FAM13B: variants seen among roughly 807,000 people sequenced by gnomAD.
FAM13B encodes family with sequence similarity 13 member B.
Under a neutral mutation model 117.3 loss-of-function variants are expected in FAM13B, and 60 were observed. The observed-to-expected ratio is 0.51, with a 90% CI of 0.42 to 0.63. The LOEUF (loss-of-function observed/expected upper bound fraction) is 0.63, where lower values mean the gene tolerates loss of function less well. FAM13B is among the 30% of genes least tolerant of loss of function. The pLI is 0.00. For missense variants in FAM13B, 972 were observed against 1,091.9 expected (o/e 0.89, Z 1.55); for synonymous variants, 332 against 356.1 (o/e 0.93, Z 0.76).
intron 17 of FAM13B, among the ~76,000 whole-genome samples, chr5:137,950,200 A>AAT (rs1235262173): frequency 2.6e-5 from 4 of 152,226 alleles, no homozygotes; most frequent in African/African-American, 9.6e-5. Context: ...AACAGGGTAG[A>AAT]GTCACAGCGC....
chr5:137,956,563 GC>G, intron 13 of FAM13B, 21 bp from the exon 14 acceptor site: 1 of 1,563,500 alleles, frequency 6.4e-7, no homozygotes, highest in Non-Finnish European at 8.7e-7. Flanking sequence ...GGAAAAAATG[GC>G]AAAAAATACT....
rs776355283 is a variant in FAM13B at position 138,011,878 on chromosome 5, A to T, written c.438T>A (p.Asn146Lys). The T allele has an allele frequency of 1.2e-6, 2 of 1,603,786 alleles. No individual in the cohort carries two copies. The change falls in exon 5 of 24, where the codon AAT (asparagine) becomes AAA (lysine). Residue 146 changes from asparagine (N) to lysine (K), a missense_variant. Physicochemically the swap from Asn to Lys is moderately conservative, Grantham distance 94. Transcript: ENST00000689681. ...RFLLQQLPPV[N>K]YSLLKFLCRF... ...TACACAGAAACTTTAACAAACTATA[A>T]TTAACAGGTGGAAGCTGTTGCAAGA...
chr5:138,050,700 G>A (rs1791776951), intron 1 of FAM13B, among the ~76,000 whole-genome samples: 1 of 151,936 alleles, frequency 6.6e-6, no homozygotes, highest in South Asian at 2.1e-4. Context: ...CTTCAGAAGG[G>A]GTCACTTGGG....
Position 138,011,927 on chromosome 5 carries a change from T to G in FAM13B, c.389A>C (p.Glu130Ala), listed in dbSNP as rs763542578. 7.6e-6 allele frequency: 12 copies of G among 1,585,678 alleles called. No individual in the cohort carries two copies. Among genetic ancestry groups the G allele is most frequent in the Non-Finnish European group, 1.0e-5 (12 of 1,169,770 alleles). The change falls in exon 5 of 24, where the codon GAA becomes GCA. Residue 130 changes from glutamate (E) to alanine (A), a missense_variant. Glu to Ala is a moderately radical substitution (Grantham distance 107). Coordinates refer to ENST00000689681, the MANE Select transcript of FAM13B (RefSeq NM_001385994.1). ...GAGGAACCTCAACTTTCTTCCAAAT[T>G]CATCTTCATTATTATAATCTATAAA... is the stretch of plus-strand genomic sequence containing the variant. Reference protein sequence around the residue: ...QLSQDYNNEDEFGRKLRFLLQ... With the variant: ...QLSQDYNNEDAFGRKLRFLLQ...
intron 7 of FAM13B, among the ~76,000 whole-genome samples, chr5:137,989,410 T>C (rs940358867): frequency 1.3e-5 from 2 of 152,204 alleles, no homozygotes; most frequent in East Asian, 3.8e-4. Flanking sequence ...CCCTCCTACA[T>C]ATAAAAATAT....
intron 1 of FAM13B, among the ~76,000 whole-genome samples, chr5:138,030,962 G>C (rs1231279002): frequency 6.6e-6 from 1 of 151,934 alleles, no homozygotes; most frequent in Non-Finnish European, 1.5e-5. Flanking sequence ...GAACCTGGGA[G>C]GCAGAGGTTG....
At chr5:138,022,084 GC>G (rs530974494) in intron 1 of FAM13B, among the ~76,000 whole-genome samples, 25 of 148,602 alleles carry the variant, frequency 1.7e-4, no homozygotes, top group African/African-American at 6.3e-4. Context: ...CTGCACTCCA[GC>G]CCGGGCAACA....
intron 1 of FAM13B, among the ~76,000 whole-genome samples, chr5:138,040,907 T>A (rs766986913): frequency 1.3e-5 from 2 of 150,634 alleles, no homozygotes; most frequent in Non-Finnish European, 1.5e-5. Flanking sequence ...CTACTAAAAT[T>A]ACAAAAATTA....
chr5:137,983,139 T>A lies in FAM13B; in HGVS notation c.1179+2118A>T, dbSNP rs1298480878. Among the ~76,000 whole-genome samples the A allele has an allele frequency of 1.8e-5, 2 of 113,290 alleles. 1 individual carries two copies. Among genetic ancestry groups the A allele is most frequent in the South Asian group, 5.7e-4 (2 of 3,508 alleles). The allele number at this position is 113,290 out of a possible 152,430, so 74.3% of individuals were successfully genotyped here. The stretch of plus-strand genomic sequence containing the variant: ...AAGAGATTCAGAAGAGGAAGAGCAA[T>A]CAGCAGAGGGGAATGAGAAAGAACA... On this transcript the variant is annotated intron_variant, in intron 10 of 23. Coordinates refer to ENST00000689681, the MANE Select transcript of FAM13B (RefSeq NM_001385994.1).
intron 10 of FAM13B, among the ~76,000 whole-genome samples, chr5:137,966,482 TATATATAGAGAGAGAGAGAGAG>T (rs1769882211): frequency 5.6e-5 from 3 of 53,872 alleles, no homozygotes; most frequent in African/African-American, 1.4e-4. Context: ...TATATATATA[TATATATAGAGAGAGAGAGAGAG>T]AGAGAGAGAG....
chr5:138,032,317 C>T (rs771472106), intron 1 of FAM13B, among the ~76,000 whole-genome samples: 14 of 152,226 alleles, frequency 9.2e-5, no homozygotes, highest in Non-Finnish European at 1.5e-5. Flanking sequence ...CGCAACCACT[C>T]ATCTCACGTG....
intron 2 of FAM13B, 122 bp downstream of exon 2, chr5:138,020,909 G>T: frequency 1.9e-6 from 1 of 526,686 alleles, no homozygotes; most frequent in Non-Finnish European, 2.9e-6. Context: ...ATTCTTCAAT[G>T]TATCTGGTGC....
intron 1 of FAM13B, among the ~76,000 whole-genome samples, chr5:138,051,588 TCTGTCCATTTCC>T (rs1791801805): frequency 6.6e-6 from 1 of 152,244 alleles, no homozygotes; most frequent in Non-Finnish European, 1.5e-5. Flanking sequence ...CAGTGAATTC[TCTGTCCATTTCC>T]ATTGCCTGTT....
intron 1 of FAM13B, among the ~76,000 whole-genome samples, chr5:138,042,468 C>A (rs1791525101): frequency 6.6e-6 from 1 of 152,078 alleles, no homozygotes; most frequent in South Asian, 2.1e-4. Flanking sequence ...TACTCATGAT[C>A]TGTATACTTC....
chr5:137,978,302 G>A (rs992674955), intron 10 of FAM13B, among the ~76,000 whole-genome samples: 1 of 151,644 alleles, frequency 6.6e-6, no homozygotes, highest in Non-Finnish European at 1.5e-5. Context: ...TATTTCCTTA[G>A]GAAAGAGTCC....
Position 137,954,483 on chromosome 5 carries a change from G to C in FAM13B, c.1508-107C>G, listed in dbSNP as rs552322743. The C allele has an allele frequency of 1.1e-5, 8 of 705,896 alleles. No homozygotes were observed. The East Asian group carries it at 2.2e-4, about 19-fold the overall frequency. 43.7% of individuals were successfully genotyped at this position (705,896 alleles called of 1,614,324 possible). Reference sequence around the variant, plus strand: ...TCCTTAAATCATATCATTATGTAGTGGTTCATATATACATACACACATACA... The same window carrying C: ...TCCTTAAATCATATCATTATGTAGTCGTTCATATATACATACACACATACA... On this transcript the variant is annotated intron_variant, in intron 14 of 23. Transcript: ENST00000689681.
At chr5:137,959,415 T>C (rs1426469408) in intron 13 of FAM13B, among the ~76,000 whole-genome samples, 1 of 152,184 alleles carries the variant, frequency 6.6e-6, no homozygotes, top group Non-Finnish European at 1.5e-5. Flanking sequence ...AGACAAGAAC[T>C]TCTAGTTCAT....
chr5:137,998,960 G>A (rs1561511604), intron 7 of FAM13B, among the ~76,000 whole-genome samples: 1 of 152,252 alleles, frequency 6.6e-6, no homozygotes, highest in Non-Finnish European at 1.5e-5. Context: ...TAAAGTGGCA[G>A]AAGAGTATGG....
chr5:138,023,404 T>C (rs28525022), intron 1 of FAM13B, among the ~76,000 whole-genome samples: 35,080 of 152,040 alleles, frequency 0.23, 4,269 homozygotes, highest in African/African-American at 0.29. Flanking sequence ...AATTAGACAT[T>C]GCAAGGCTCA....
Sources: gnomAD v4.1 joint callset for allele counts (sites outside exome capture counted in the v4.1 genomes callset) on GRCh38, gnomAD v4.1.1 for gene constraint, MANE v1.5 for transcripts, NCBI Gene and HGNC (gene_info 2026-07-23, HGNC 2026-07-21) for gene names.